Variants in CSMD3 observed in about 807,000 individuals in gnomAD.
The protein encoded by CSMD3 is CUB and sushi domain-containing protein 3.
CSMD3 carries 177 observed loss-of-function variants against 435.2 expected under a neutral mutation model. That is an observed-to-expected ratio of 0.41 (90% CI 0.36 to 0.46). CSMD3 has a LOEUF of 0.46. Among genes scored for constraint, CSMD3 ranks in the 20% least tolerant of loss-of-function variants. The probability of loss-of-function intolerance (pLI) is 0.34; values close to 1 mark genes in which losing one functional copy is unlikely to be tolerated. For synonymous variants in CSMD3, 1,656 were observed against 1,520.5 expected (o/e 1.09, Z -2.07); for missense variants, 4,265 against 4,504.6 (o/e 0.95, Z 1.52).
chr8:113,287,478 G>T (rs1267224468), intron 2 of CSMD3, among the ~76,000 whole-genome samples: 1 of 151,914 alleles, frequency 6.6e-6, no homozygotes. Flanking sequence ...AGATGTCACT[G>T]GCAGTAATAT....
chr8:112,578,836 A>G (rs181254431), intron 23 of CSMD3, among the ~76,000 whole-genome samples: 89 of 152,072 alleles, frequency 5.9e-4, no homozygotes, highest in African/African-American at 2.0e-3. Flanking sequence ...CTCCCAATAA[A>G]ATTTTACTTA....
At chr8:112,639,082 T>TG (rs1344773617) in intron 20 of CSMD3, among the ~76,000 whole-genome samples, 171 bp from the exon 21 acceptor site, 2 of 152,108 alleles carry the variant, frequency 1.3e-5, no homozygotes, top group Non-Finnish European at 1.5e-5. Context: ...TTTGTGTGTG[T>TG]TTTTCCTTCA....
At chr8:112,591,467 T>G (rs1831187738) in intron 22 of CSMD3, among the ~76,000 whole-genome samples, 1 of 152,102 alleles carries the variant, frequency 6.6e-6, no homozygotes, top group African/African-American at 2.4e-5. Flanking sequence ...CATATAGTTT[T>G]AGATAAACTG....
chr8:113,406,925 C>G (rs919713509), intron 1 of CSMD3, among the ~76,000 whole-genome samples: 2 of 151,956 alleles, frequency 1.3e-5, no homozygotes. Flanking sequence ...TTTATGGTAG[C>G]CTGCATAATG....
chr8:112,670,642 G>A (rs376108664), intron 16 of CSMD3, among the ~76,000 whole-genome samples: 115 of 152,292 alleles, frequency 7.6e-4, no homozygotes, highest in African/African-American at 2.7e-3. Flanking sequence ...AGAGGAAGGA[G>A]TCTAAACTGG....
At chr8:112,320,196 C>CT in intron 45 of CSMD3, among the ~76,000 whole-genome samples, 2 of 152,158 alleles carry the variant, frequency 1.3e-5, no homozygotes, top group East Asian at 3.9e-4. Context: ...TTCTTTATTT[C>CT]TTACCCTTAT....
At position 113,086,371 on chromosome 8, in the gene CSMD3, G is replaced by A. The variant is rs182691612; in HGVS notation, c.917+12385C>T. On this transcript the variant is annotated intron_variant, in intron 5 of 70. Coordinates refer to ENST00000297405, the MANE Select transcript of CSMD3 (RefSeq NM_198123.2). The stretch of plus-strand genomic sequence containing the variant: ...AAATTCTAACACTATAAACCATGAC[G>A]TTTTGTAATTTATCATTCCAATAGG... Among the ~76,000 whole-genome samples the A allele has an allele frequency of 1.1e-4, 17 of 152,076 alleles. 1 individual carries two copies. In the East Asian group the frequency reaches 2.7e-3, roughly 24 times the overall value.
intron 4 of CSMD3, among the ~76,000 whole-genome samples, chr8:113,127,624 T>C (rs1004451682): frequency 6.6e-6 from 1 of 152,168 alleles, no homozygotes; most frequent in East Asian, 1.9e-4. Flanking sequence ...CACCTAGGCT[T>C]TCATCATATT....
intron 35 of CSMD3, among the ~76,000 whole-genome samples, chr8:112,400,271 G>A (rs1043222906): frequency 2.0e-5 from 3 of 152,122 alleles, no homozygotes; most frequent in African/African-American, 4.8e-5. Context: ...TTTTCTTGCT[G>A]TGTCCTCACA....
chr8:113,122,319 T>G (rs557770157), intron 4 of CSMD3, among the ~76,000 whole-genome samples: 1 of 152,130 alleles, frequency 6.6e-6, no homozygotes, highest in Admixed American at 6.6e-5. Context: ...TATGAAAAAG[T>G]AGAAGCATCC....
At chr8:112,245,810 T>C (rs529442822) in intron 64 of CSMD3, among the ~76,000 whole-genome samples, 22 of 152,314 alleles carry the variant, frequency 1.4e-4, no homozygotes, top group African/African-American at 5.3e-4. Context: ...AGTGCTAGGA[T>C]TATAGGCGTG....
intron 6 of CSMD3, among the ~76,000 whole-genome samples, chr8:113,005,181 C>A (rs888199437): frequency 4.6e-5 from 7 of 151,616 alleles, no homozygotes. Flanking sequence ...ATTTGGTAAA[C>A]CTAGAAGGAA....
At position 112,781,291 on chromosome 8, in the gene CSMD3, T is replaced by C. The variant is rs564088171; in HGVS notation, c.1972+18871A>G. ...AACATTAGTGGTAGCCCGGCAGTAC[T>C]TACCATGGTTGTAGAACAGGGATGG... On this transcript the variant is annotated intron_variant, in intron 13 of 70. Transcript: ENST00000297405. Among the ~76,000 whole-genome samples, 7 of 152,088 alleles carry C rather than the reference T, an allele frequency of 4.6e-5. No individual in the cohort carries two copies. In the South Asian group the frequency reaches 1.4e-3, roughly 32 times the overall value.
At chr8:113,284,081 T>TG (rs2093629824) in intron 2 of CSMD3, among the ~76,000 whole-genome samples, 1 of 151,994 alleles carries the variant, frequency 6.6e-6, no homozygotes, top group Admixed American at 6.6e-5. Context: ...TTTGGGGACT[T>TG]GGGGGAGAGG....
intron 60 of CSMD3, among the ~76,000 whole-genome samples, chr8:112,264,535 C>A (rs1026066109): frequency 1.3e-5 from 2 of 151,878 alleles, no homozygotes; most frequent in African/African-American, 2.4e-5. Context: ...TGAGTAATAT[C>A]TAATTCATAT....
At chr8:112,374,889 C>T (rs1486591944) in intron 38 of CSMD3, among the ~76,000 whole-genome samples, 1 of 152,124 alleles carries the variant, frequency 6.6e-6, no homozygotes, top group Non-Finnish European at 1.5e-5. Context: ...AGATAGCTAA[C>T]GACTCTTAAG....
chr8:113,377,751 C>T (rs2094395141), intron 1 of CSMD3, among the ~76,000 whole-genome samples: 1 of 152,082 alleles, frequency 6.6e-6, no homozygotes, highest in Non-Finnish European at 1.5e-5. Flanking sequence ...GGGTTCAATA[C>T]CATTAAGCCT....
intron 2 of CSMD3, among the ~76,000 whole-genome samples, chr8:113,299,971 G>A (rs2093752264): frequency 6.6e-6 from 1 of 150,648 alleles, no homozygotes; most frequent in Admixed American, 6.6e-5. Flanking sequence ...CAGTCTGGGT[G>A]ACAGAGCAAG....
Position 112,564,982 on chromosome 8 carries a change from C to T in CSMD3, c.4043-8028G>A, listed in dbSNP as rs549230046. Among the ~76,000 whole-genome samples, 14 of 152,114 alleles carry T rather than the reference C, an allele frequency of 9.2e-5. No individual in the cohort carries two copies. In the South Asian group the frequency reaches 2.7e-3, roughly 29 times the overall value. On this transcript the variant is annotated intron_variant, in intron 24 of 70. Transcript: ENST00000297405. ...TAATTGTATGTAACATGTAAATTAG[C>T]AGGTCCTTAGATATGTAAGTTTAAA...
Sources: gnomAD v4.1 joint callset for allele counts (sites outside exome capture counted in the v4.1 genomes callset) on GRCh38, gnomAD v4.1.1 for gene constraint, MANE v1.5 for transcripts, NCBI Gene and HGNC (gene_info 2026-07-23, HGNC 2026-07-21) for gene names.